Variants in SSBP3 observed in about 807,000 individuals in gnomAD.
The protein encoded by SSBP3 is single stranded DNA binding protein 3.
A neutral mutation model predicts 69.6 loss-of-function variants in SSBP3; 5 were observed. The ratio of observed to expected loss-of-function variants is 0.07; its 90% CI spans 0.04 to 0.15. The LOEUF is 0.15. Among genes scored for constraint, SSBP3 ranks in the 10% least tolerant of loss-of-function variants. The pLI is 1.00. For missense variants in SSBP3, 312 were observed against 534.0 expected, an observed-to-expected ratio of 0.58 and a Z score of 4.10; for synonymous variants, 196 against 193.4, an observed-to-expected ratio of 1.01 and a Z score of -0.11.
chr1:54,395,816 T>G (rs1447374042), intron 4 of SSBP3, among the ~76,000 whole-genome samples: 1 of 152,004 alleles, frequency 6.6e-6, no homozygotes, highest in Non-Finnish European at 1.5e-5. Flanking sequence ...TCCTTTAAAA[T>G]CCAGAGGATT....
chr1:54,345,078 G>A (rs1005326898), intron 4 of SSBP3, among the ~76,000 whole-genome samples: 3 of 152,086 alleles, frequency 2.0e-5, no homozygotes, highest in African/African-American at 7.2e-5. Flanking sequence ...CATCTGTGCG[G>A]AAATTCTCCT....
At chr1:54,279,602 G>A (rs952745485) in intron 5 of SSBP3, among the ~76,000 whole-genome samples, 4 of 152,210 alleles carry the variant, frequency 2.6e-5, no homozygotes, top group African/African-American at 4.8e-5. Flanking sequence ...ATGGTACCTC[G>A]GTGGGTCCAC....
chr1:54,260,044 C>T (rs1389225561), intron 5 of SSBP3, among the ~76,000 whole-genome samples: 1 of 152,108 alleles, frequency 6.6e-6, no homozygotes, highest in African/African-American at 2.4e-5. Flanking sequence ...CCCTAATTAA[C>T]AGTACAGGGA....
chr1:54,249,777 G>A (rs1644795500), intron 9 of SSBP3, among the ~76,000 whole-genome samples: 1 of 130,068 alleles, frequency 7.7e-6, no homozygotes, highest in African/African-American at 3.0e-5. Flanking sequence ...TTTGATTCCT[G>A]TTAAAAGAAA....
chr1:54,402,818 C>G (rs1649406769), intron 3 of SSBP3, among the ~76,000 whole-genome samples: 1 of 152,140 alleles, frequency 6.6e-6, no homozygotes, highest in South Asian at 2.1e-4. Context: ...ACCAATAAAG[C>G]CCTATTCAAA....
intron 4 of SSBP3, among the ~76,000 whole-genome samples, chr1:54,282,508 C>T (rs1645413829): frequency 6.6e-6 from 1 of 152,242 alleles, no homozygotes. Flanking sequence ...CCTGGTATAT[C>T]TGCCTCAACA....
intron 4 of SSBP3, among the ~76,000 whole-genome samples, chr1:54,288,554 C>T (rs892099965): frequency 2.1e-5 from 3 of 140,570 alleles, no homozygotes; most frequent in African/African-American, 7.9e-5. Flanking sequence ...AAGTGCCTGC[C>T]TTTTCATTTT....
intron 4 of SSBP3, among the ~76,000 whole-genome samples, chr1:54,352,942 C>T (rs756847585): frequency 2.0e-5 from 3 of 152,194 alleles, no homozygotes; most frequent in African/African-American, 4.8e-5. Context: ...AAATGTGAGC[C>T]GACGCCGGGC....
intron 3 of SSBP3, 104 bp from the exon 4 acceptor site, chr1:54,402,049 G>T: frequency 2.2e-6 from 2 of 926,100 alleles, no homozygotes; most frequent in South Asian, 1.7e-5. Context: ...TCTCCCAAAG[G>T]CTCAATCCCA....
exon 18 of SSBP3, chr1:54,226,439 T>C (rs1044170818): frequency 6.5e-6 from 1 of 153,290 alleles, no homozygotes; most frequent in African/African-American, 2.4e-5. Flanking sequence ...CCCCTGCCTG[T>C]TGCACAAACC....
At chr1:54,308,663 G>A (rs1476423679) in intron 4 of SSBP3, among the ~76,000 whole-genome samples, 1 of 151,676 alleles carries the variant, frequency 6.6e-6, no homozygotes, top group Non-Finnish European at 1.5e-5. Flanking sequence ...TGTCACACAG[G>A]AGGCTGAGGC....
intron 7 of SSBP3, among the ~76,000 whole-genome samples, chr1:54,253,167 T>TG (rs1462243635): frequency 1.5e-5 from 2 of 133,316 alleles, no homozygotes; most frequent in Admixed American, 1.5e-4. Context: ...AATTGGTATT[T>TG]GTTTTTGTTT....
At chr1:54,390,399 C>G (rs1310161523) in intron 4 of SSBP3, among the ~76,000 whole-genome samples, 1 of 152,170 alleles carries the variant, frequency 6.6e-6, no homozygotes, top group Non-Finnish European at 1.5e-5. Flanking sequence ...CTCTTCTCTT[C>G]CAGCTCTCTC....
chr1:54,247,813 G>A (rs1644759860), intron 9 of SSBP3, among the ~76,000 whole-genome samples: 1 of 152,272 alleles, frequency 6.6e-6, no homozygotes, highest in South Asian at 2.1e-4. Context: ...TTTTAGCTTC[G>A]TCCTATTAGA....
intron 4 of SSBP3, among the ~76,000 whole-genome samples, chr1:54,381,209 T>G (rs1321616538): frequency 6.6e-6 from 1 of 151,746 alleles, no homozygotes; most frequent in Non-Finnish European, 1.5e-5. Flanking sequence ...ATGGTGAAAT[T>G]CCGTCTCTAC....
chr1:54,394,114 A>G (rs1241691792), intron 4 of SSBP3, among the ~76,000 whole-genome samples: 1 of 152,214 alleles, frequency 6.6e-6, no homozygotes, highest in Non-Finnish European at 1.5e-5. Flanking sequence ...CTCAGAGGTT[A>G]CTTAAGGTGT....
intron 4 of SSBP3, among the ~76,000 whole-genome samples, chr1:54,398,842 C>T (rs1215866778): frequency 2.0e-5 from 3 of 152,144 alleles, no homozygotes; most frequent in African/African-American, 7.2e-5. Context: ...GTAAGCACTT[C>T]CTACCCACCG....
chr1:54,396,208 AAAAAAAAAAAAC>A (rs1409294299), intron 4 of SSBP3, among the ~76,000 whole-genome samples: 3 of 150,012 alleles, frequency 2.0e-5, no homozygotes, highest in Non-Finnish European at 3.0e-5. Flanking sequence ...AAAAAAAAAA[AAAAAAAAAAAAC>A]AACCCCATTA....
chr1:54,250,675 C>T (rs142740290), intron 9 of SSBP3, among the ~76,000 whole-genome samples: 1 of 152,322 alleles, frequency 6.6e-6, no homozygotes, highest in East Asian at 1.9e-4. Context: ...AGGGAAAGAA[C>T]ACCTGAGAAC....
Sources: allele counts gnomAD v4.1 joint callset (sites outside exome capture counted in the v4.1 genomes callset), GRCh38; gene constraint gnomAD v4.1.1; transcripts MANE v1.5; gene names NCBI Gene and HGNC (gene_info 2026-07-23, HGNC 2026-07-21).